MTCL1: variants seen among roughly 807,000 people sequenced by gnomAD.
MTCL1 encodes the protein microtubule cross-linking factor 1.
A neutral mutation model predicts 141.4 loss-of-function variants in MTCL1; 79 were observed. That is an observed-to-expected ratio of 0.56 (90% CI 0.47 to 0.67). The LOEUF (loss-of-function observed/expected upper bound fraction) is 0.67. Among genes scored for constraint, MTCL1 ranks in the 30% least tolerant of loss-of-function variants. The pLI, the probability that MTCL1 is intolerant of heterozygous loss-of-function variation, is 0.00. For synonymous variants in MTCL1, 914 were observed against 875.8 expected (o/e 1.04, Z -0.77); for missense variants, 2,177 against 2,113.9 (o/e 1.03, Z -0.59).
At chr18:8,818,762 A>T (rs1404636432) in intron 12 of MTCL1, among the ~76,000 whole-genome samples, 1 of 152,226 alleles carries the variant, frequency 6.6e-6, no homozygotes, top group East Asian at 1.9e-4. Context: ...TCTGGGCCAG[A>T]TAAAATTGTG....
intron 4 of MTCL1, among the ~76,000 whole-genome samples, chr18:8,741,914 T>C (rs1225030430): frequency 6.6e-6 from 1 of 152,188 alleles, no homozygotes; most frequent in Non-Finnish European, 1.5e-5. Context: ...AGCTTGTTTT[T>C]CGCAAGGAAG....
At chr18:8,726,771 C>T (rs1177022489) in intron 4 of MTCL1, among the ~76,000 whole-genome samples, 1 of 152,066 alleles carries the variant, frequency 6.6e-6, no homozygotes, top group African/African-American at 2.4e-5. Context: ...GTGGTTTGAA[C>T]CCCAGGGTTT....
At chr18:8,827,731 T>C (rs748821196) in intron 15 of MTCL1, among the ~76,000 whole-genome samples, 2 of 152,232 alleles carry the variant, frequency 1.3e-5, no homozygotes, top group Non-Finnish European at 1.5e-5. Flanking sequence ...GTCTGTATTG[T>C]CTGTTTATAT....
At chr18:8,791,899 TG>T (rs1313068973) in intron 7 of MTCL1, among the ~76,000 whole-genome samples, 3 of 145,430 alleles carry the variant, frequency 2.1e-5, no homozygotes, top group African/African-American at 7.8e-5. Flanking sequence ...GAATCCCCAG[TG>T]TCTGATTTTC....
At chr18:8,758,824 A>C (rs2096415672) in intron 4 of MTCL1, among the ~76,000 whole-genome samples, 1 of 152,248 alleles carries the variant, frequency 6.6e-6, no homozygotes, top group Non-Finnish European at 1.5e-5. Context: ...AATTCTGCTG[A>C]TACCCAGGGA....
chr18:8,784,407 A>G, exon 6 of MTCL1: 6 of 1,526,960 alleles, frequency 3.9e-6, no homozygotes, highest in Non-Finnish European at 5.3e-6. Flanking sequence ...GGGAGCGGGA[A>G]GCCATCGGAG....
chr18:8,715,405 A>C (rs1293655150), upstream of MTCL1, among the ~76,000 whole-genome samples: 2 of 152,214 alleles, frequency 1.3e-5, no homozygotes, highest in African/African-American at 4.8e-5. Flanking sequence ...TGACTTTGGC[A>C]GGCTTTCTGG....
At chr18:8,766,441 C>T (rs1274501667) in intron 4 of MTCL1, among the ~76,000 whole-genome samples, 5 of 152,194 alleles carry the variant, frequency 3.3e-5, no homozygotes, top group African/African-American at 9.6e-5. Flanking sequence ...GGGCCTGGGG[C>T]GCCCCAGTGG....
intron 16 of MTCL1, chr18:8,829,616 A>G (rs1233192203): frequency 9.1e-6 from 9 of 985,272 alleles, no homozygotes; most frequent in African/African-American, 8.7e-5. Flanking sequence ...GAAAAGATAT[A>G]CTTTTTGATC....
chr18:8,733,180 T>C (rs2096259899), intron 4 of MTCL1, among the ~76,000 whole-genome samples: 1 of 152,212 alleles, frequency 6.6e-6, no homozygotes, highest in Admixed American at 6.5e-5. Context: ...CCCTCGGGAC[T>C]GTCAGACCAC....
chr18:8,778,095 C>G (rs975590015), intron 5 of MTCL1: 4 of 469,428 alleles, frequency 8.5e-6, no homozygotes, highest in Middle Eastern at 5.5e-4. Context: ...TTCTCCCTCA[C>G]GCTGACAAGC....
chr18:8,825,630 A>T, exon 15 of MTCL1: 1 of 1,613,852 alleles, frequency 6.2e-7, no homozygotes, highest in Non-Finnish European at 8.5e-7. Context: ...GGCCCCTGCC[A>T]TCGAGAAGGT....
At chr18:8,821,691 C>T (rs754648142) in intron 14 of MTCL1, among the ~76,000 whole-genome samples, 193 bp downstream of exon 13, 4 of 152,240 alleles carry the variant, frequency 2.6e-5, no homozygotes, top group South Asian at 2.1e-4. Flanking sequence ...AGAAGTTAGA[C>T]GTGCTGTGTC....
intron 11 of MTCL1, among the ~76,000 whole-genome samples, chr18:8,811,697 C>T (rs2076492497): frequency 6.6e-6 from 1 of 152,074 alleles, no homozygotes; most frequent in Non-Finnish European, 1.5e-5. Flanking sequence ...TAGGCAAGTC[C>T]CTAAAGCACT....
exon 15 of MTCL1, chr18:8,824,711 G>A (rs1342254190): frequency 1.2e-6 from 2 of 1,611,726 alleles, no homozygotes; most frequent in African/African-American, 2.7e-5. Flanking sequence ...CGGTGTCCGT[G>A]TCCTCCATGT....
intron 4 of MTCL1, among the ~76,000 whole-genome samples, chr18:8,753,291 A>G (rs1408890498): frequency 6.6e-6 from 1 of 152,164 alleles, no homozygotes; most frequent in African/African-American, 2.4e-5. Flanking sequence ...TATGATGTCA[A>G]TTTTTTAAAA....
At position 8,810,767 on chromosome 18, in the gene MTCL1, A is replaced by C. The variant is rs768397736; in HGVS notation, c.2605-2212A>C. On this transcript the variant is annotated intron_variant, in intron 11 of 16. Coordinates refer to ENST00000359865, the Ensembl canonical transcript of MTCL1. The surrounding 1 kb of genome is among the most constrained non-coding windows in gnomAD (Gnocchi z 5.0). Reference sequence around the variant, plus strand: ...GTTTCTGCATTCTTTCTACTTAGAAAAAGTTTTATTTTCCCCAGATTTACA... The same window carrying C: ...GTTTCTGCATTCTTTCTACTTAGAACAAGTTTTATTTTCCCCAGATTTACA... Among the ~76,000 whole-genome samples the C allele has an allele frequency of 7.2e-5, 11 of 152,268 alleles. No individual in the cohort carries two copies. Among genetic ancestry groups the C allele is most frequent in the Non-Finnish European group, 1.3e-4 (9 of 68,036 alleles).
intron 4 of MTCL1, among the ~76,000 whole-genome samples, chr18:8,727,302 A>C (rs2096222279): frequency 6.6e-6 from 1 of 152,196 alleles, no homozygotes; most frequent in African/African-American, 2.4e-5. Flanking sequence ...TCTTTTGGGT[A>C]GATGCACATT....
rs541600683 is a variant in MTCL1, at chr18:8,736,536, C to T, written c.357+16040C>T. On this transcript the variant is annotated intron_variant, in intron 4 of 16. Coordinates refer to ENST00000359865, the Ensembl canonical transcript of MTCL1. ...GCAATACTGTGCTGAAAGTGAAAAA[C>T]AGAATGATTGTACAGGTATTTGAAG... Among the ~76,000 whole-genome samples the T allele has an allele frequency of 1.1e-4, 17 of 151,928 alleles. No individual in the cohort carries two copies. The South Asian group carries it at 3.5e-3, about 32-fold the overall frequency.
Sources: allele counts gnomAD v4.1 joint callset (sites outside exome capture counted in the v4.1 genomes callset), GRCh38; gene constraint gnomAD v4.1.1; non-coding constraint Gnocchi (gnomAD v3.1); transcripts MANE v1.5; gene names NCBI Gene and HGNC (gene_info 2026-07-23, HGNC 2026-07-21).